The following FAXC variants were observed in gnomAD, a reference collection of about 807,000 sequenced individuals.
FAXC encodes the protein failed axon connections homolog.
FAXC carries 10 observed loss-of-function variants against 41.9 expected under a neutral mutation model. The observed-to-expected ratio is 0.24, with a 90% CI of 0.15 to 0.41. The LOEUF (loss-of-function observed/expected upper bound fraction) is 0.41. FAXC is among the 10% of genes least tolerant of loss of function. FAXC has a pLI of 1.00. For synonymous variants in FAXC, 183 were observed against 183.8 expected (o/e 1.00, Z 0.03); for missense variants, 399 against 510.9 (o/e 0.78, Z 2.11).
chr6:99,332,294 A>C (rs541520805), intron 3 of FAXC, among the ~76,000 whole-genome samples: 341 of 152,324 alleles, frequency 2.2e-3, no homozygotes, highest in Non-Finnish European at 4.0e-3. Context: ...CATATTGAGG[A>C]TATCACTCAG....
At chr6:99,325,104 G>GTTT (rs11384726) in intron 3 of FAXC, among the ~76,000 whole-genome samples, 1 of 148,352 alleles carries the variant, frequency 6.7e-6, no homozygotes. Context: ...TTTAAGGTTT[G>GTTT]TTTTTTTTTT....
At chr6:99,343,109 C>T in intron 1 of FAXC, 76 bp from the exon 2 acceptor site, 1 of 1,364,134 alleles carries the variant, frequency 7.3e-7, no homozygotes, top group South Asian at 1.4e-5. Flanking sequence ...TTGAGAGGAC[C>T]CTGCAGGGTT....
chr6:99,349,965 G>C (rs1345321934), upstream of FAXC: 1 of 152,138 alleles, frequency 6.6e-6, no homozygotes, highest in Non-Finnish European at 1.5e-5. Flanking sequence ...CCCTCCGCCT[G>C]CGCTCCAGCC....
At chr6:99,346,590 A>AT (rs1773603432) in intron 1 of FAXC, among the ~76,000 whole-genome samples, 1 of 68,468 alleles carries the variant, frequency 1.5e-5, no homozygotes. Flanking sequence ...TTTTTAGTAG[A>AT]CGGGGTTTCA....
At chr6:99,329,960 G>A (rs556513409) in intron 3 of FAXC, among the ~76,000 whole-genome samples, 12 of 151,488 alleles carry the variant, frequency 7.9e-5, no homozygotes, top group East Asian at 7.8e-4. Flanking sequence ...GTGCAGTAGC[G>A]CGATCACGGC....
chr6:99,318,300 C>CA (rs1445559462), intron 4 of FAXC, among the ~76,000 whole-genome samples: 8 of 127,552 alleles, frequency 6.3e-5, no homozygotes, highest in East Asian at 2.3e-4. Flanking sequence ...CACACACACA[C>CA]ACACACAAAA....
intron 4 of FAXC, among the ~76,000 whole-genome samples, chr6:99,304,256 A>G (rs1237071148): frequency 6.6e-6 from 1 of 152,154 alleles, no homozygotes; most frequent in African/African-American, 2.4e-5. Flanking sequence ...ATTGCACTCC[A>G]GCCTGGGCAA....
At chr6:99,332,886 C>A (rs1365037591) in intron 3 of FAXC, among the ~76,000 whole-genome samples, 1 of 152,086 alleles carries the variant, frequency 6.6e-6, no homozygotes, top group Non-Finnish European at 1.5e-5. Flanking sequence ...TCAGTGAGTT[C>A]TAGTCTAGAT....
Position 99,349,528 on chromosome 6 carries a change from C to CCG in FAXC, c.-157_-156insCG. 1.1e-5 allele frequency: 4 copies of CCG among 354,686 alleles called. No homozygotes were observed. The highest frequency in any genetic ancestry group is 1.5e-5 in the Non-Finnish European group (4 of 264,214). The allele number at this position is 354,686 out of a possible 1,614,324, so 22.0% of individuals were successfully genotyped here. A position where few individuals can be genotyped will look rare whatever the true frequency, so the allele number is the denominator to read the frequency against. On this transcript the variant is annotated 5_prime_UTR_variant, in exon 1 of 6. Transcript: ENST00000389677. ...GCGGCGGCGACTGAGGAGGCGGCGG[C>CCG]AGAGGAGGAGGAGGAGGAAGGGCAC... is the stretch of plus-strand genomic sequence containing the variant.
intron 4 of FAXC, among the ~76,000 whole-genome samples, chr6:99,300,658 G>T (rs1320286038): frequency 6.6e-6 from 1 of 152,116 alleles, no homozygotes; most frequent in African/African-American, 2.4e-5. Flanking sequence ...TGAGGATAAA[G>T]AAAATATATC....
intron 2 of FAXC, among the ~76,000 whole-genome samples, chr6:99,334,410 G>A (rs1773141580): frequency 6.6e-6 from 1 of 152,142 alleles, no homozygotes; most frequent in Non-Finnish European, 1.5e-5. Context: ...TTGCGGCTTG[G>A]CAAATAGAAC....
intron 4 of FAXC, among the ~76,000 whole-genome samples, chr6:99,318,302 C>CAAA (rs1328926883): frequency 5.7e-5 from 6 of 104,630 alleles, no homozygotes; most frequent in East Asian, 2.7e-4. Flanking sequence ...CACACACACA[C>CAAA]ACACAAAATA....
In FAXC at chr6:99,349,274, C is replaced by T; in HGVS notation, c.99G>A (p.Glu33=). 6.2e-7 allele frequency: 1 copy of T among 1,613,628 alleles called. No homozygotes were observed. Among genetic ancestry groups the T allele is most frequent in the Non-Finnish European group, 8.5e-7 (1 of 1,180,026 alleles). The change falls in exon 1 of 6, where the codon GAG becomes GAA. Residue 33 remains glutamate, a synonymous_variant. Coordinates refer to ENST00000389677, the MANE Select transcript of FAXC (RefSeq NM_032511.4). ...ISFFGWWAGS[E]EPFSFYGDII... ...TGTCCCCATAAAAGGAGAAGGGCTC[C>T]TCGGACCCGGCCCACCAGCCGAAGA...
intron 3 of FAXC, among the ~76,000 whole-genome samples, chr6:99,329,502 A>G (rs1239894099): frequency 6.6e-6 from 1 of 152,176 alleles, no homozygotes; most frequent in African/African-American, 2.4e-5. Context: ...CTTTCTCTGC[A>G]TAGGGCTACA....
chr6:99,313,871 G>A (rs922408803), intron 4 of FAXC, among the ~76,000 whole-genome samples: 2 of 152,144 alleles, frequency 1.3e-5, no homozygotes, highest in African/African-American at 4.8e-5. Context: ...TCATGTGTCT[G>A]TCTCATAGGG....
At chr6:99,336,029 T>C (rs977919789) in intron 2 of FAXC, among the ~76,000 whole-genome samples, 2 of 152,080 alleles carry the variant, frequency 1.3e-5, no homozygotes, top group African/African-American at 2.4e-5. Flanking sequence ...GCCGGTGATC[T>C]TTTTTTCCCA....
At chr6:99,298,117 T>G (rs987313096) in intron 4 of FAXC, among the ~76,000 whole-genome samples, 12 of 152,186 alleles carry the variant, frequency 7.9e-5, no homozygotes, top group African/African-American at 2.9e-4. Context: ...TGGACCAGAC[T>G]GTGAATAGCA....
chr6:99,286,387 A>G (rs1207749676), intron 5 of FAXC, among the ~76,000 whole-genome samples: 2 of 152,196 alleles, frequency 1.3e-5, no homozygotes, highest in Non-Finnish European at 1.5e-5. Context: ...CTTCCTGAAC[A>G]CTTCCCTCCA....
chr6:99,293,342 A>C (rs979328418), intron 4 of FAXC, among the ~76,000 whole-genome samples: 1 of 151,952 alleles, frequency 6.6e-6, no homozygotes, highest in East Asian at 1.9e-4. Flanking sequence ...CATGCTGTGC[A>C]CCCTCTCTCT....
Sources: allele counts gnomAD v4.1 joint callset (sites outside exome capture counted in the v4.1 genomes callset), GRCh38; gene constraint gnomAD v4.1.1; transcripts MANE v1.5; gene names NCBI Gene and HGNC (gene_info 2026-07-23, HGNC 2026-07-21).